IKZF4: variants seen among roughly 807,000 people sequenced by gnomAD.
The protein encoded by IKZF4 is zinc finger protein Eos.
IKZF4 carries 11 observed loss-of-function variants against 47.7 expected under a neutral mutation model. That is an observed-to-expected ratio of 0.23 (90% confidence interval 0.15 to 0.38). The LOEUF (loss-of-function observed/expected upper bound fraction) is 0.38. Ranked by LOEUF, IKZF4 falls within the 10% of genes least tolerant of loss-of-function variation. The pLI is 1.00. For synonymous variants in IKZF4, 298 were observed against 299.4 expected (o/e 1.00, Z 0.05); for missense variants, 557 against 784.9 (o/e 0.71, Z 3.47).
At chr12:56,019,839 T>G (rs998671469), upstream of IKZF4, among the ~76,000 whole-genome samples, 2 of 152,248 alleles carry the variant, frequency 1.3e-5, no homozygotes, top group African/African-American at 4.8e-5. Flanking sequence ...TTTCAGCAGA[T>G]TGGCATGTCC....
At chr12:56,028,310 G>A (rs993043545) in intron 5 of IKZF4, among the ~76,000 whole-genome samples, 2 of 151,764 alleles carry the variant, frequency 1.3e-5, no homozygotes, top group African/African-American at 4.8e-5. Context: ...CGGATCACGA[G>A]GTCAGGAGAT....
chr12:56,018,534 G>A (rs576710881), upstream of IKZF4, among the ~76,000 whole-genome samples: 7 of 152,180 alleles, frequency 4.6e-5, no homozygotes, highest in South Asian at 2.1e-4. Context: ...CAGATAGAGC[G>A]GCACAAGGTT....
chr12:56,027,765 T>C lies in IKZF4; in HGVS notation c.548-15T>C. ...CTCACATGCAGTCCTCTGGGATTTG[T>C]TCTTTCACTTGCAGGTGAAAGGCCC... is the stretch of plus-strand genomic sequence containing the variant. On this transcript the variant is annotated splice_polypyrimidine_tract_variant and intron_variant, in intron 4 of 7. Transcript: ENST00000547167. 1.9e-6 allele frequency: 3 copies of C among 1,610,126 alleles called. No individual in the cohort carries two copies. Among genetic ancestry groups the C allele is most frequent in the South Asian group, 1.1e-5 (1 of 90,298 alleles).
chr12:56,031,827 A>T (rs1894956884), intron 5 of IKZF4, among the ~76,000 whole-genome samples: 1 of 152,096 alleles, frequency 6.6e-6, no homozygotes, highest in South Asian at 2.1e-4. Flanking sequence ...AAACAAACCC[A>T]AATTTGGTGT....
In IKZF4 at chr12:56,021,573, A is replaced by G. The variant is rs1460332622; in HGVS notation, c.80A>G (p.Lys27Arg). Reference protein sequence around the residue: ...VRTPGSHRQGKDNLERDPSGG... With the variant: ...VRTPGSHRQGRDNLERDPSGG... ...ACCCCAGGGTCTCACCGGCAAGGGA[A>G]GGATAATGTAAGTTCAGGCAGAAGG... is the stretch of plus-strand genomic sequence containing the variant. Residue 27 changes from lysine to arginine, a missense_variant, in exon 1 of 8, where the codon AAG (lysine) becomes AGG (arginine). By Grantham distance (26) the Lys-to-Arg change is conservative. This residue lies in a region of IKZF4 where 112 missense variants were observed against 168.2 expected (regional missense o/e 0.67). Transcript: ENST00000547167. 6.2e-7 allele frequency: 1 copy of G among 1,604,462 alleles called. No individual in the cohort carries two copies. Among genetic ancestry groups the G allele is most frequent in the Admixed American group, 1.7e-5 (1 of 58,508 alleles).
At chr12:56,034,444 C>G in intron 7 of IKZF4, 127 bp from the exon 8 acceptor site, 1 of 958,922 alleles carries the variant, frequency 1.0e-6, no homozygotes, top group Non-Finnish European at 1.5e-6. Context: ...CCTGACCCTG[C>G]GAAAGTAAAT....
At chr12:56,021,994 T>A (rs1893092716) in intron 1 of IKZF4, 1 of 200,890 alleles carries the variant, frequency 5.0e-6, no homozygotes. Context: ...GGCCTCAGCT[T>A]CCTCCCCACA....
intron 2 of IKZF4, among the ~76,000 whole-genome samples, chr12:56,011,980 T>C (rs1335877735): frequency 1.3e-5 from 2 of 152,146 alleles, no homozygotes; most frequent in East Asian, 3.8e-4. Flanking sequence ...CAGGAAGGCA[T>C]AGACAGTAGA....
chr12:56,023,785 G>C (rs763954234), intron 2 of IKZF4, 21 bp downstream of exon 2: 1 of 1,610,274 alleles, frequency 6.2e-7, no homozygotes. Flanking sequence ...GCATAGCTGG[G>C]CAATTGGGTA....
intron 3 of IKZF4, 44 bp downstream of exon 3, chr12:56,025,202 G>C (rs781766568): frequency 1.3e-6 from 2 of 1,485,890 alleles, no homozygotes; most frequent in South Asian, 1.4e-5. Context: ...GGCACCCCCT[G>C]TTGCATTTGG....
chr12:56,037,555 A>G lies in IKZF4; in HGVS notation c.*2224A>G, dbSNP rs1206311529. The G allele has an allele frequency of 6.6e-6, 1 of 152,360 alleles. No individual in the cohort carries two copies. Among genetic ancestry groups the G allele is most frequent in the African/African-American group, 2.4e-5 (1 of 41,430 alleles). 9.4% of individuals were successfully genotyped at this position (152,360 alleles called of 1,614,324 possible). On this transcript the variant is annotated 3_prime_UTR_variant, in exon 8 of 8. Transcript: ENST00000547167. Reference sequence around the variant, plus strand: ...CATAAGGACTAGTCCCTTCTGGGGTATCAGAGCCTTAGGGTGCCCCCATCC... The same window carrying G: ...CATAAGGACTAGTCCCTTCTGGGGTGTCAGAGCCTTAGGGTGCCCCCATCC...
intron 5 of IKZF4, among the ~76,000 whole-genome samples, chr12:56,028,532 CAAAAAAAAAAAA>C (rs56380320): frequency 3.8e-5 from 2 of 52,948 alleles, no homozygotes; most frequent in African/African-American, 1.2e-4. Flanking sequence ...CACTCAGTCT[CAAAAAAAAAAAA>C]AAAAAAAAAA....
rs1162702204 is a variant in IKZF4 at position 56,035,360 on chromosome 12, A to C, written c.*29A>C. 1 of 1,583,714 alleles carries C rather than the reference A, an allele frequency of 6.3e-7. No homozygotes were observed. The highest frequency in any genetic ancestry group is 8.6e-7 in the Non-Finnish European group (1 of 1,164,280). ...CCTCTCCCTCTCTCCTCAGTCCACC[A>C]CTCCACTGCCCTGACTACAGGCATT... On this transcript the variant is annotated 3_prime_UTR_variant, in exon 8 of 8. Transcript: ENST00000547167. The surrounding 1 kb of genome is among the most constrained non-coding windows in gnomAD (Gnocchi z 6.1).
intron 2 of IKZF4, 173 bp from the exon 3 acceptor site, chr12:56,024,881 G>C (rs550900994): frequency 1.3e-6 from 2 of 1,491,254 alleles, no homozygotes; most frequent in South Asian, 1.3e-5. Context: ...GCAGCACCAG[G>C]CATCCAGACT....
At position 56,034,874 on chromosome 12, in the gene IKZF4, T is replaced by G; in HGVS notation, c.1301T>G (p.Leu434Arg). The G allele has an allele frequency of 6.2e-7, 1 of 1,610,808 alleles. No homozygotes were observed. Among genetic ancestry groups the G allele is most frequent in the Non-Finnish European group, 8.5e-7 (1 of 1,178,352 alleles). Residue 434 changes from leucine to arginine, a missense_variant, in exon 8 of 8, where the codon CTC (leucine) becomes CGC (arginine). Coordinates refer to ENST00000547167, the MANE Select transcript of IKZF4 (RefSeq NM_022465.4). ...GAGGACCTGGCTGATGGAGGTCCCC[T>G]CCTCTACCGGCCCCGAGGCCCCCTG... is the stretch of plus-strand genomic sequence containing the variant. Reference protein sequence around the residue: ...GPEDLADGGPLLYRPRGPLTD... With the variant: ...GPEDLADGGPRLYRPRGPLTD...
chr12:56,028,218 GTTCT>G (rs1894333514), intron 5 of IKZF4, among the ~76,000 whole-genome samples: 2 of 152,188 alleles, frequency 1.3e-5, no homozygotes, highest in South Asian at 4.1e-4. Context: ...TAGGAGCAAT[GTTCT>G]TGGCTGTTAA....
chr12:56,027,744 C>T, intron 4 of IKZF4, 36 bp from the exon 5 acceptor site: 1 of 1,601,164 alleles, frequency 6.2e-7, no homozygotes. Context: ...AAGTTCCTCA[C>T]ATGCAGTCCT....
At chr12:56,033,428 C>T in intron 7 of IKZF4, 107 bp downstream of exon 7, 1 of 1,441,724 alleles carries the variant, frequency 6.9e-7, no homozygotes, top group Non-Finnish European at 9.6e-7. Flanking sequence ...GTCTGGTGGG[C>T]TGGGTGCAGT....
At chr12:56,016,673 C>T (rs1253165535), upstream of IKZF4, among the ~76,000 whole-genome samples, 7 of 151,808 alleles carry the variant, frequency 4.6e-5, no homozygotes, top group South Asian at 2.1e-4. Flanking sequence ...CTTGGGTCAC[C>T]GCAACCTCCG....
Sources: gnomAD v4.1 joint callset for allele counts (sites outside exome capture counted in the v4.1 genomes callset) on GRCh38, gnomAD v4.1.1 for gene constraint, gnomAD v4.1.1 regional missense constraint, Gnocchi (gnomAD v3.1) non-coding constraint, MANE v1.5 for transcripts, NCBI Gene and HGNC (gene_info 2026-07-23, HGNC 2026-07-21) for gene names.